Variants in WWOX observed in about 807,000 individuals in gnomAD.
WWOX encodes the protein WW domain-containing oxidoreductase.
WWOX carries 69 observed loss-of-function variants against 46.2 expected under a neutral mutation model. The ratio of observed to expected loss-of-function variants is 1.49; its 90% confidence interval spans 1.23 to 1.82. WWOX has a LOEUF of 1.82. WWOX is among the 40% of genes most tolerant of loss of function. The pLI is 0.00. For missense variants in WWOX, 919 were observed against 542.6 expected (o/e 1.69, Z -6.89); for synonymous variants, 359 against 202.6 (o/e 1.77, Z -6.56).
chr16:79,026,275 C>G (rs982149634), intron 8 of WWOX, among the ~76,000 whole-genome samples: 1 of 151,720 alleles, frequency 6.6e-6, no homozygotes, highest in Non-Finnish European at 1.5e-5. Context: ...TCGGTCAACT[C>G]CTAACTCCTG....
At chr16:78,330,163 A>T (rs2080721415) in intron 5 of WWOX, among the ~76,000 whole-genome samples, 1 of 152,218 alleles carries the variant, frequency 6.6e-6, no homozygotes, top group South Asian at 2.1e-4. Context: ...TAAAAATTGA[A>T]GTTATAGCAT....
At chr16:78,106,395 C>G (rs962417194) in intron 1 of WWOX, among the ~76,000 whole-genome samples, 1 of 149,994 alleles carries the variant, frequency 6.7e-6, no homozygotes, top group Admixed American at 6.7e-5. Flanking sequence ...TACTAGAGAG[C>G]CAGAGAGTCA....
intron 5 of WWOX, among the ~76,000 whole-genome samples, chr16:78,365,369 G>A (rs7201630): frequency 0.18 from 27,803 of 152,070 alleles, 3,251 homozygotes; most frequent in African/African-American, 0.33. Context: ...AGTGGGTTCT[G>A]TTTATTGAGA....
intron 8 of WWOX, among the ~76,000 whole-genome samples, chr16:78,536,334 C>G (rs952117746): frequency 1.3e-5 from 2 of 152,006 alleles, no homozygotes; most frequent in East Asian, 3.9e-4. Flanking sequence ...TGTATCCCTC[C>G]TGAAGGGTGT....
intron 8 of WWOX, among the ~76,000 whole-genome samples, chr16:79,008,013 C>G (rs2047223270): frequency 6.6e-6 from 1 of 152,210 alleles, no homozygotes; most frequent in Non-Finnish European, 1.5e-5. Context: ...GGTTAAAAGT[C>G]CTGGTTCAGG....
intron 8 of WWOX, among the ~76,000 whole-genome samples, chr16:79,168,340 A>G (rs1371271924): frequency 6.6e-6 from 1 of 152,216 alleles, no homozygotes; most frequent in African/African-American, 2.4e-5. Context: ...ACCATTTTAC[A>G]GAAAATCTCT....
At chr16:78,640,326 C>T (rs1159054598) in intron 8 of WWOX, among the ~76,000 whole-genome samples, 1 of 133,770 alleles carries the variant, frequency 7.5e-6, no homozygotes, top group Non-Finnish European at 1.5e-5. Context: ...AAATCCAGAT[C>T]TCTGACTTCC....
chr16:78,821,835 C>G (rs1200485725), intron 8 of WWOX, among the ~76,000 whole-genome samples: 1 of 152,112 alleles, frequency 6.6e-6, no homozygotes, highest in African/African-American at 2.4e-5. Flanking sequence ...CTTCTGAGTC[C>G]AAAGCTAACA....
At chr16:78,659,425 C>T (rs148701777) in intron 8 of WWOX, among the ~76,000 whole-genome samples, 307 of 152,214 alleles carry the variant, frequency 2.0e-3, no homozygotes, top group African/African-American at 6.9e-3. Context: ...CGCCCCACCC[C>T]GCCAGACTTC....
In WWOX at chr16:78,887,510, C is replaced by T. The variant is rs367945840; in HGVS notation, c.1057-324098C>T. Among the ~76,000 whole-genome samples the T allele has an allele frequency of 4.8e-3, 410 of 85,222 alleles. 8 individuals are homozygous for T. The highest frequency in any genetic ancestry group is 0.013 in the African/African-American group (385 of 30,726). The allele number at this position is 85,222 out of a possible 152,430, so 55.9% of individuals were successfully genotyped here. The stretch of plus-strand genomic sequence containing the variant: ...ACACACACACACACACACACACACA[C>T]ACACACACAAGAAATGACTACAGAC... On this transcript the variant is annotated intron_variant, in intron 8 of 8. Transcript: ENST00000566780.
intron 8 of WWOX, chr16:79,101,583 G>C (rs145041260): frequency 6.6e-6 from 1 of 152,066 alleles, no homozygotes; most frequent in African/African-American, 2.4e-5. Context: ...CATCCCTGGT[G>C]AATCTTTTCA....
chr16:78,208,529 T>G (rs1034371511), intron 5 of WWOX, among the ~76,000 whole-genome samples: 2 of 152,220 alleles, frequency 1.3e-5, no homozygotes, highest in Non-Finnish European at 2.9e-5. Context: ...TTAGGGTGTC[T>G]TTATTAATTT....
At chr16:78,549,079 G>C (rs2151539944) in intron 8 of WWOX, among the ~76,000 whole-genome samples, 1 of 152,264 alleles carries the variant, frequency 6.6e-6, no homozygotes, top group Admixed American at 6.5e-5. Context: ...AGAATAAAGT[G>C]AGGAAAATAA....
At chr16:78,429,268 T>C (rs2083161002) in intron 7 of WWOX, among the ~76,000 whole-genome samples, 1 of 152,204 alleles carries the variant, frequency 6.6e-6, no homozygotes, top group African/African-American at 2.4e-5. Context: ...TTTTCACCAA[T>C]CTTGGAAGGC....
intron 5 of WWOX, among the ~76,000 whole-genome samples, chr16:78,165,579 AG>A (rs924341138): frequency 1.2e-4 from 18 of 151,780 alleles, no homozygotes; most frequent in African/African-American, 4.4e-4. Flanking sequence ...CCCTGGGAGG[AG>A]GGGGAGGAGG....
At chr16:78,865,707 C>T (rs1240224481) in intron 8 of WWOX, among the ~76,000 whole-genome samples, 1 of 152,036 alleles carries the variant, frequency 6.6e-6, no homozygotes, top group Admixed American at 6.6e-5. Flanking sequence ...TGGTGAAACC[C>T]CATCTCTACT....
intron 8 of WWOX, among the ~76,000 whole-genome samples, chr16:79,038,537 C>T (rs1321332846): frequency 2.0e-5 from 3 of 152,112 alleles, no homozygotes; most frequent in Non-Finnish European, 4.4e-5. Context: ...TCAGAGTTTT[C>T]TGACAAAGAA....
intron 8 of WWOX, among the ~76,000 whole-genome samples, chr16:79,179,241 A>G (rs939246953): frequency 1.3e-5 from 2 of 152,246 alleles, no homozygotes; most frequent in South Asian, 2.1e-4. Context: ...CAGGTAAGCA[A>G]TGCTTACTTG....
intron 5 of WWOX, among the ~76,000 whole-genome samples, chr16:78,247,293 A>T (rs762562743): frequency 2.0e-5 from 3 of 152,100 alleles, no homozygotes; most frequent in African/African-American, 4.8e-5. Flanking sequence ...AAAGCAGTTA[A>T]ACTTTGGTCA....
Sources: gnomAD v4.1 joint callset for allele counts (sites outside exome capture counted in the v4.1 genomes callset) on GRCh38, gnomAD v4.1.1 for gene constraint, MANE v1.5 for transcripts, NCBI Gene and HGNC (gene_info 2026-07-23, HGNC 2026-07-21) for gene names.